SRBD1: variants seen among roughly 807,000 people sequenced by gnomAD.
SRBD1 encodes S1 RNA-binding domain-containing protein 1.
A neutral mutation model predicts 115.3 loss-of-function variants in SRBD1; 88 were observed. That is an observed-to-expected ratio of 0.76 (90% CI 0.64 to 0.91). SRBD1 has a LOEUF of 0.91. SRBD1 is among the 40% of genes least tolerant of loss of function. The pLI, the probability that SRBD1 is intolerant of heterozygous loss-of-function variation, is 0.00. For missense variants in SRBD1, 1,385 were observed against 1,177.4 expected (o/e 1.18, Z -2.58); for synonymous variants, 509 against 407.7 (o/e 1.25, Z -2.99).
intron 16 of SRBD1, among the ~76,000 whole-genome samples, chr2:45,461,943 T>C (rs1194296671): frequency 6.6e-6 from 1 of 152,204 alleles, no homozygotes; most frequent in East Asian, 1.9e-4. Context: ...CCCTTTTTTC[T>C]CTTCAGTTTG....
At chr2:45,571,841 GA>G (rs1673029469) in intron 9 of SRBD1, among the ~76,000 whole-genome samples, 1 of 151,628 alleles carries the variant, frequency 6.6e-6, no homozygotes, top group African/African-American at 2.4e-5. Context: ...TACAGTCAGA[GA>G]AAAAAGAAAA....
chr2:45,514,101 T>C (rs1229263700), intron 14 of SRBD1, among the ~76,000 whole-genome samples: 2 of 152,144 alleles, frequency 1.3e-5, no homozygotes, highest in African/African-American at 2.4e-5. Context: ...AGAATAGGTA[T>C]AAAAATACTT....
intron 10 of SRBD1, among the ~76,000 whole-genome samples, chr2:45,557,447 C>T (rs554026146): frequency 4.1e-4 from 63 of 152,304 alleles, no homozygotes; most frequent in African/African-American, 1.5e-3. Flanking sequence ...CCCCAGTAGT[C>T]TTCTTCAAGT....
chr2:45,543,022 T>C (rs1024959277), intron 14 of SRBD1, among the ~76,000 whole-genome samples: 1 of 152,114 alleles, frequency 6.6e-6, no homozygotes. Flanking sequence ...GCAAAATGAG[T>C]GCCTACCATA....
At chr2:45,432,002 A>AGTAT (rs959263398) in intron 16 of SRBD1, among the ~76,000 whole-genome samples, 2 of 105,496 alleles carry the variant, frequency 1.9e-5, no homozygotes, top group African/African-American at 3.7e-5. Context: ...AAGAGTTAAA[A>AGTAT]GTATTTATTT....
intron 7 of SRBD1, among the ~76,000 whole-genome samples, chr2:45,576,773 A>G (rs1250775112): frequency 6.6e-6 from 1 of 152,234 alleles, no homozygotes; most frequent in Non-Finnish European, 1.5e-5. Flanking sequence ...TAATGACAAC[A>G]ACAGGGTGAT....
chr2:45,567,733 G>GT, intron 9 of SRBD1, among the ~76,000 whole-genome samples: 1 of 152,292 alleles, frequency 6.6e-6, no homozygotes, highest in African/African-American at 2.4e-5. Flanking sequence ...AGAGACTTCC[G>GT]TATTTGCTAT....
At chr2:45,410,028 G>A (rs957763516) in intron 19 of SRBD1, among the ~76,000 whole-genome samples, 2 of 152,004 alleles carry the variant, frequency 1.3e-5, no homozygotes, top group African/African-American at 4.8e-5. Context: ...TATATCTGCA[G>A]AATATATTAA....
chr2:45,557,861 G>A (rs1188475102), intron 10 of SRBD1, among the ~76,000 whole-genome samples: 2 of 152,138 alleles, frequency 1.3e-5, no homozygotes, highest in African/African-American at 2.4e-5. Flanking sequence ...AAACTAAGGA[G>A]GACTCACTTA....
chr2:45,596,232 G>A (rs929836066), intron 4 of SRBD1, among the ~76,000 whole-genome samples: 2 of 152,114 alleles, frequency 1.3e-5, no homozygotes, highest in African/African-American at 4.8e-5. Context: ...TGGCAGCTGG[G>A]CACCTATCGC....
At chr2:45,490,501 A>G (rs1010616722) in intron 14 of SRBD1, among the ~76,000 whole-genome samples, 1 of 152,176 alleles carries the variant, frequency 6.6e-6, no homozygotes, top group African/African-American at 2.4e-5. Context: ...AGTCTTTTCT[A>G]AAAAGACAGA....
chr2:45,442,048 A>C (rs1219441701), intron 16 of SRBD1, among the ~76,000 whole-genome samples: 2 of 152,200 alleles, frequency 1.3e-5, no homozygotes, highest in Non-Finnish European at 1.5e-5. Context: ...TCAAAACTTA[A>C]GCTTCTGTCG....
At chr2:45,514,756 T>C (rs1671070629) in intron 14 of SRBD1, among the ~76,000 whole-genome samples, 2 of 152,192 alleles carry the variant, frequency 1.3e-5, no homozygotes, top group South Asian at 2.1e-4. Flanking sequence ...AGGAAACACC[T>C]ATTTTCATCC....
chr2:45,591,978 C>T (rs913975451), intron 4 of SRBD1, among the ~76,000 whole-genome samples: 8 of 152,098 alleles, frequency 5.3e-5, no homozygotes, highest in East Asian at 1.9e-4. Flanking sequence ...AGAATTCCCA[C>T]GTGTTGTAGG....
chr2:45,511,055 C>T (rs894215219), intron 14 of SRBD1, among the ~76,000 whole-genome samples: 1 of 152,176 alleles, frequency 6.6e-6, no homozygotes, highest in Non-Finnish European at 1.5e-5. Flanking sequence ...CAAAGTCAAA[C>T]GAAATCCTTG....
At chr2:45,460,331 A>G (rs1474908421) in intron 16 of SRBD1, among the ~76,000 whole-genome samples, 2 of 152,204 alleles carry the variant, frequency 1.3e-5, no homozygotes, top group Non-Finnish European at 2.9e-5. Flanking sequence ...TCAAATCGTA[A>G]AAGAGGTTTG....
At chr2:45,433,641 C>G (rs930899323) in intron 16 of SRBD1, among the ~76,000 whole-genome samples, 1 of 152,160 alleles carries the variant, frequency 6.6e-6, no homozygotes, top group African/African-American at 2.4e-5. Flanking sequence ...CTTAAGAAAG[C>G]TCCTCCTCCA....
rs752701430 is a variant in SRBD1, at chr2:45,585,628, C to T, written c.795G>A (p.Gln265=). Residue 265 remains glutamine (Q), a synonymous_variant, in exon 5 of 21, where the codon CAG becomes CAA. Transcript: ENST00000263736. ...NLDADSLREV[Q]QTLEELRAVA... The stretch of plus-strand genomic sequence containing the variant: ...CTTACCGTAGCTCTTCTAGGGTTTG[C>T]TGAACTTCTCTCAAGGAATCAGCAT... 1.2e-6 allele frequency: 2 copies of T among 1,610,804 alleles called. No individual in the cohort carries two copies. Among genetic ancestry groups the T allele is most frequent in the Non-Finnish European group, 1.7e-6 (2 of 1,179,030 alleles).
At chr2:45,604,839 T>C (rs1225623299) in intron 2 of SRBD1, among the ~76,000 whole-genome samples, 3 of 152,352 alleles carry the variant, frequency 2.0e-5, no homozygotes, top group Non-Finnish European at 2.9e-5. Context: ...ACCAGTCATT[T>C]ACTTAACAAA....
Sources: allele counts gnomAD v4.1 joint callset (sites outside exome capture counted in the v4.1 genomes callset), GRCh38; gene constraint gnomAD v4.1.1; transcripts MANE v1.5; gene names NCBI Gene and HGNC (gene_info 2026-07-23, HGNC 2026-07-21).